ZSCAN5A: variants seen among roughly 807,000 people sequenced by gnomAD.
ZSCAN5A encodes the protein zinc finger and SCAN domain containing 5A.
Under a neutral mutation model 23.7 loss-of-function variants are expected in ZSCAN5A, and 12 were observed. That is an observed-to-expected ratio of 0.51 (90% CI 0.32 to 0.82). The LOEUF (loss-of-function observed/expected upper bound fraction) is 0.82, where lower values mean the gene tolerates loss of function less well. Among genes scored for constraint, ZSCAN5A ranks in the 40% least tolerant of loss-of-function variants. The probability of loss-of-function intolerance (pLI) is 0.03; values close to 1 mark genes in which losing one functional copy is unlikely to be tolerated. For missense variants in ZSCAN5A, 597 were observed against 617.9 expected, an observed-to-expected ratio of 0.97 and a Z score of 0.36; for synonymous variants, 257 against 239.9, an observed-to-expected ratio of 1.07 and a Z score of -0.66.
At chr19:56,233,817 C>A (rs2034663819) in intron 2 of ZSCAN5A, among the ~76,000 whole-genome samples, 1 of 152,052 alleles carries the variant, frequency 6.6e-6, no homozygotes, top group Admixed American at 6.6e-5. Context: ...TGCAGTGTTT[C>A]AAGTGGATGC....
chr19:56,235,495 T>C (rs866630863), intron 2 of ZSCAN5A, among the ~76,000 whole-genome samples: 61 of 19,506 alleles, frequency 3.1e-3, no homozygotes, highest in African/African-American at 5.0e-3. Flanking sequence ...GTGGGCCAAG[T>C]CTCCACTCCA....
rs4462708 is a variant in ZSCAN5A at position 56,322,422 on chromosome 19, G to C, written c.-357-6154C>G. On this transcript the variant is annotated intron_variant, in intron 2 of 6. Coordinates refer to the ZSCAN5A transcript ENST00000587340. Reference sequence around the variant, plus strand: ...CTACAAATTTGTCCAGGAGGCGGGCGACCCCGCAACCCCACCATCAGAGCT... The same window carrying C: ...CTACAAATTTGTCCAGGAGGCGGGCCACCCCGCAACCCCACCATCAGAGCT... 15 of 602,478 alleles carry C rather than the reference G, an allele frequency of 2.5e-5. No individual in the cohort carries two copies. In the East Asian group the frequency reaches 4.2e-4, roughly 17 times the overall value. 37.3% of individuals were successfully genotyped at this position (602,478 alleles called of 1,614,324 possible).
chr19:56,247,413 A>ACACTTC, intron 2 of ZSCAN5A: 3 of 179,126 alleles, frequency 1.7e-5, no homozygotes, highest in Non-Finnish European at 3.7e-5. Flanking sequence ...CCAAGTGTCT[A>ACACTTC]AGAGCCTTTC....
intron 2 of ZSCAN5A, chr19:56,354,515 T>G (rs766608628): frequency 6.6e-6 from 1 of 152,124 alleles, no homozygotes; most frequent in Non-Finnish European, 1.5e-5. Flanking sequence ...GATGTAGTGG[T>G]GGGGTCAATG....
chr19:56,303,963 G>A (rs740869), intron 2 of ZSCAN5A, among the ~76,000 whole-genome samples: 76,519 of 151,956 alleles, frequency 0.5, 20,550 homozygotes, highest in Non-Finnish European at 0.61. Context: ...GAACATCTAT[G>A]TGACCTGAGA....
intron 2 of ZSCAN5A, among the ~76,000 whole-genome samples, chr19:56,324,373 G>A (rs1436443007): frequency 6.6e-6 from 1 of 152,060 alleles, no homozygotes; most frequent in African/African-American, 2.4e-5. Context: ...TTGGTCAAGA[G>A]GTATATGAAA....
In ZSCAN5A at chr19:56,225,005, G is replaced by A. The variant is rs1473788109; in HGVS notation, c.42C>T (p.Ser14=). The part of the protein sequence containing the change: ...NCTSSWSLGE[S]CNRPGLELPR... ...GCAGCTCCAACCCAGGTCTGTTGCAGGATTCTCCTAGACTCCATGAGGATG... is the reference window on the plus strand; with the variant it reads ...GCAGCTCCAACCCAGGTCTGTTGCAAGATTCTCCTAGACTCCATGAGGATG... The change falls in exon 3 of 6, where the codon TCC becomes TCT. Residue 14 remains serine (S), a synonymous_variant. Transcript: ENST00000683990. 6.2e-7 allele frequency: 1 copy of A among 1,613,490 alleles called. No homozygotes were observed. The highest frequency in any genetic ancestry group is 1.1e-5 in the South Asian group (1 of 90,978).
intron 2 of ZSCAN5A, among the ~76,000 whole-genome samples, chr19:56,253,555 C>A (rs1008451693): frequency 1.3e-5 from 2 of 152,088 alleles, no homozygotes; most frequent in Non-Finnish European, 2.9e-5. Flanking sequence ...AGTGAAGGGA[C>A]GTGAACAAGT....
chr19:56,279,883 TAAC>T, intron 2 of ZSCAN5A, among the ~76,000 whole-genome samples: 1 of 152,228 alleles, frequency 6.6e-6, no homozygotes, highest in South Asian at 2.1e-4. Flanking sequence ...ATATTTCAAT[TAAC>T]AAAACAGTAT....
At chr19:56,310,155 T>A (rs932118606) in intron 2 of ZSCAN5A, 1 of 152,328 alleles carries the variant, frequency 6.6e-6, no homozygotes, top group African/African-American at 2.4e-5. Context: ...CTAGTGAGCC[T>A]GCTCCATCTC....
chr19:56,349,366 C>A (rs190394610), intron 2 of ZSCAN5A, among the ~76,000 whole-genome samples: 33 of 152,234 alleles, frequency 2.2e-4, no homozygotes, highest in African/African-American at 7.2e-4. Context: ...CAACCCCTGA[C>A]GGTCCAGAGG....
chr19:56,297,006 T>C (rs2039918028), intron 2 of ZSCAN5A, among the ~76,000 whole-genome samples: 1 of 151,876 alleles, frequency 6.6e-6, no homozygotes, highest in African/African-American at 2.4e-5. Flanking sequence ...GAAGCAGTGG[T>C]TGCAGTGAGC....
At chr19:56,236,484 C>T (rs368233215) in intron 2 of ZSCAN5A, among the ~76,000 whole-genome samples, 2,055 of 52,088 alleles carry the variant, frequency 0.039, 64 homozygotes, top group Non-Finnish European at 0.055. Context: ...GCCTCCATTC[C>T]AGCCTCTGAT....
chr19:56,227,404 G>A (rs2034052075), intron 2 of ZSCAN5A, among the ~76,000 whole-genome samples: 1 of 152,204 alleles, frequency 6.6e-6, no homozygotes, highest in African/African-American at 2.4e-5. Flanking sequence ...TTGCCAGAGG[G>A]CGCCTGCTGC....
At chr19:56,285,120 A>G (rs1426270658) in intron 2 of ZSCAN5A, 1 of 528,190 alleles carries the variant, frequency 1.9e-6, no homozygotes, top group African/African-American at 2.1e-5. Flanking sequence ...GGTAGAGTCT[A>G]AAGAACACTT....
intron 2 of ZSCAN5A, among the ~76,000 whole-genome samples, chr19:56,289,567 T>A (rs1487753415): frequency 1.3e-5 from 2 of 152,156 alleles, no homozygotes; most frequent in Non-Finnish European, 2.9e-5. Context: ...GTATGGCACA[T>A]AGTTGGACCA....
chr19:56,265,728 A>G (rs2037426964), intron 2 of ZSCAN5A, among the ~76,000 whole-genome samples: 1 of 152,140 alleles, frequency 6.6e-6, no homozygotes, highest in Non-Finnish European at 1.5e-5. Flanking sequence ...TGAGCCACTC[A>G]ACACTCTCAC....
chr19:56,314,179 G>C (rs1034846383), intron 1 of ZSCAN5A: 3 of 152,258 alleles, frequency 2.0e-5, no homozygotes, highest in Non-Finnish European at 4.4e-5. Context: ...CAGCTGTTGA[G>C]CTCACTGCTG....
At chr19:56,269,276 C>T (rs2037680023) in intron 2 of ZSCAN5A, among the ~76,000 whole-genome samples, 1 of 152,120 alleles carries the variant, frequency 6.6e-6, no homozygotes, top group South Asian at 2.1e-4. Flanking sequence ...TCTCCACATC[C>T]CCTCAATATA....
Sources: allele counts gnomAD v4.1 joint callset (sites outside exome capture counted in the v4.1 genomes callset), GRCh38; gene constraint gnomAD v4.1.1; transcripts MANE v1.5; gene names NCBI Gene and HGNC (gene_info 2026-07-23, HGNC 2026-07-21).